Variants in GTF2H1 observed in about 807,000 individuals in gnomAD.
GTF2H1 encodes BTF2 p62.
In GTF2H1, 16 loss-of-function variants were observed where a neutral mutation model predicts 71.2. The observed-to-expected ratio is 0.22, with a 90% CI of 0.15 to 0.34. GTF2H1 has a LOEUF of 0.34. Among genes scored for constraint, GTF2H1 ranks in the 10% least tolerant of loss-of-function variants. The probability of loss-of-function intolerance (pLI) is 1.00; values close to 1 mark genes in which losing one functional copy is unlikely to be tolerated. For missense variants in GTF2H1, 498 were observed against 648.2 expected, an observed-to-expected ratio of 0.77 and a Z score of 2.52; for synonymous variants, 215 against 219.0, an observed-to-expected ratio of 0.98 and a Z score of 0.16.
At chr11:18,341,197 C>G (rs1279582021) in intron 5 of GTF2H1, 64 bp from the exon 6 acceptor site, 5 of 1,290,056 alleles carry the variant, frequency 3.9e-6, no homozygotes, top group Middle Eastern at 2.7e-4. Context: ...ATTTCAGTTA[C>G]CTAATTTGAG....
At chr11:18,327,177 C>T (rs1864787273) in intron 1 of GTF2H1, among the ~76,000 whole-genome samples, 1 of 152,038 alleles carries the variant, frequency 6.6e-6, no homozygotes, top group African/African-American at 2.4e-5. Flanking sequence ...ACTAGCACCC[C>T]TAACACTTTC....
chr11:18,335,703 A>G lies in GTF2H1; in HGVS notation c.155-51A>G. 2.3e-6 allele frequency: 3 copies of G among 1,318,908 alleles called. 1 individual carries two copies. In the Middle Eastern group the frequency reaches 5.6e-4, roughly 247 times the overall value. 81.7% of individuals were successfully genotyped at this position (1,318,908 alleles called of 1,614,324 possible). ...GGGAGAAGTAACTTACTGTATGGTT[A>G]TTCCCACAGTGTGAGTGTCATCATC... On this transcript the variant is annotated intron_variant, in intron 2 of 14. Coordinates refer to ENST00000265963, the MANE Select transcript of GTF2H1 (RefSeq NM_005316.4).
chr11:18,339,473 T>G, intron 4 of GTF2H1, 91 bp from the exon 5 acceptor site: 1 of 798,670 alleles, frequency 1.3e-6, no homozygotes, highest in Non-Finnish European at 2.1e-6. Flanking sequence ...GTTCAGAAAT[T>G]TTTTTTTCCA....
At chr11:18,338,629 G>A (rs1293334207) in intron 4 of GTF2H1, among the ~76,000 whole-genome samples, 1 of 151,966 alleles carries the variant, frequency 6.6e-6, no homozygotes, top group East Asian at 1.9e-4. Flanking sequence ...ATTTTTATAG[G>A]GCGGGGGGCA....
intron 5 of GTF2H1, 118 bp downstream of exon 5, chr11:18,339,775 T>C (rs1865113170): frequency 4.8e-6 from 3 of 622,976 alleles, no homozygotes; most frequent in Non-Finnish European, 5.5e-6. Context: ...GTAAAGTACT[T>C]TTTACCCAGT....
intron 14 of GTF2H1, among the ~76,000 whole-genome samples, chr11:18,362,374 A>G (rs963574774): frequency 1.3e-5 from 2 of 152,222 alleles, no homozygotes; most frequent in African/African-American, 4.8e-5. Context: ...CTAGGACATT[A>G]CTGTACACTA....
intron 13 of GTF2H1, among the ~76,000 whole-genome samples, chr11:18,358,867 C>CAA: frequency 1.3e-5 from 2 of 152,246 alleles, no homozygotes; most frequent in Admixed American, 1.3e-4. Flanking sequence ...AATAATCATA[C>CAA]AACTTAAAAC....
At chr11:18,340,886 A>T (rs375864518) in intron 5 of GTF2H1, among the ~76,000 whole-genome samples, 1 of 152,174 alleles carries the variant, frequency 6.6e-6, no homozygotes, top group African/African-American at 2.4e-5. Flanking sequence ...CTGAGCTGAC[A>T]GTCCAGTGGA....
intron 1 of GTF2H1, among the ~76,000 whole-genome samples, chr11:18,325,650 C>G (rs1033338682): frequency 6.6e-6 from 1 of 151,568 alleles, no homozygotes; most frequent in Non-Finnish European, 1.5e-5. Flanking sequence ...GAGACTTTAG[C>G]TGGTAACTTT....
At chr11:18,357,443 G>C (rs970567171) in intron 11 of GTF2H1, among the ~76,000 whole-genome samples, 3 of 152,042 alleles carry the variant, frequency 2.0e-5, no homozygotes, top group Non-Finnish European at 4.4e-5. Flanking sequence ...GCCAGGTGCG[G>C]AGTACACACC....
At position 18,365,991 on chromosome 11, in the gene GTF2H1, A is replaced by G; in HGVS notation, c.*122A>G. 1.5e-6 allele frequency: 1 copy of G among 670,586 alleles called. No individual in the cohort carries two copies. Among genetic ancestry groups the G allele is most frequent in the South Asian group, 1.7e-5 (1 of 58,268 alleles). The allele number at this position is 670,586 out of a possible 1,614,324, so 41.5% of individuals were successfully genotyped here. The stretch of plus-strand genomic sequence containing the variant: ...AGGAGTGATAAGAAACATCTGCTCC[A>G]CGCCAACTCCCAGAGCTGATGCTAT... On this transcript the variant is annotated 3_prime_UTR_variant, in exon 15 of 15. Coordinates refer to ENST00000265963, the MANE Select transcript of GTF2H1 (RefSeq NM_005316.4).
chr11:18,346,542 A>G (rs774550947), intron 7 of GTF2H1, among the ~76,000 whole-genome samples: 15 of 152,224 alleles, frequency 9.9e-5, no homozygotes, highest in Non-Finnish European at 1.9e-4. Flanking sequence ...TTGTATCTAC[A>G]TGGTCTAGCA....
chr11:18,326,343 G>A (rs768581906), intron 1 of GTF2H1, among the ~76,000 whole-genome samples: 28 of 152,074 alleles, frequency 1.8e-4, no homozygotes, highest in Non-Finnish European at 5.9e-5. Flanking sequence ...CCAACATGGC[G>A]AAACCCCATC....
chr11:18,344,974 G>A (rs1166338702), intron 7 of GTF2H1, among the ~76,000 whole-genome samples: 1 of 151,950 alleles, frequency 6.6e-6, no homozygotes, highest in African/African-American at 2.4e-5. Flanking sequence ...GGGAGGCTGA[G>A]GTGGGAGGAT....
intron 11 of GTF2H1, among the ~76,000 whole-genome samples, chr11:18,355,902 C>G (rs1590197358): frequency 2.6e-5 from 4 of 152,238 alleles, no homozygotes; most frequent in Admixed American, 2.6e-4. Context: ...CTACCCATGC[C>G]CCTTTACAGT....
chr11:18,341,081 G>A (rs2133967123), intron 5 of GTF2H1, among the ~76,000 whole-genome samples, 180 bp from the exon 6 acceptor site: 1 of 152,204 alleles, frequency 6.6e-6, no homozygotes, highest in Non-Finnish European at 1.5e-5. Flanking sequence ...GATTTATAGA[G>A]GTCATACCTC....
intron 14 of GTF2H1, among the ~76,000 whole-genome samples, chr11:18,363,220 T>A (rs1263771497): frequency 2.6e-5 from 4 of 152,148 alleles, no homozygotes; most frequent in South Asian, 2.1e-4. Context: ...GTTAACTTTT[T>A]TATATATATA....
chr11:18,323,425 G>A (rs1189806849), intron 1 of GTF2H1, among the ~76,000 whole-genome samples: 1 of 151,868 alleles, frequency 6.6e-6, no homozygotes, highest in Non-Finnish European at 1.5e-5. Context: ...ACCTCCCAAA[G>A]CGCCAGAATT....
chr11:18,359,297 T>C (rs1260326921), intron 13 of GTF2H1, among the ~76,000 whole-genome samples: 5 of 152,154 alleles, frequency 3.3e-5, no homozygotes, highest in East Asian at 1.9e-4. Flanking sequence ...CCCAACACTT[T>C]GGCGGGGCTG....
Sources: allele counts gnomAD v4.1 joint callset (sites outside exome capture counted in the v4.1 genomes callset), GRCh38; gene constraint gnomAD v4.1.1; transcripts MANE v1.5; gene names NCBI Gene and HGNC (gene_info 2026-07-23, HGNC 2026-07-21).